Variants in TBCK observed in about 807,000 individuals in gnomAD.
TBCK encodes the protein TBC1 domain containing kinase, also known as TBC domain-containing protein kinase-like protein.
TBCK carries 99 observed loss-of-function variants against 113.4 expected under a neutral mutation model. The ratio of observed to expected loss-of-function variants is 0.87; its 90% confidence interval spans 0.74 to 1.03. The LOEUF is 1.03. Among genes scored for constraint, TBCK ranks in the 50% least tolerant of loss-of-function variants. The pLI is 0.00. For missense variants in TBCK, 1,045 were observed against 1,061.3 expected, an observed-to-expected ratio of 0.98 and a Z score of 0.21; for synonymous variants, 369 against 370.8, an observed-to-expected ratio of 1.00 and a Z score of 0.05.
chr4:106,061,576 T>A (rs2149461410), intron 25 of TBCK, among the ~76,000 whole-genome samples: 1 of 151,368 alleles, frequency 6.6e-6, no homozygotes, highest in East Asian at 2.0e-4. Flanking sequence ...GACAAAAAAA[T>A]TGTGTGATGC....
intron 1 of TBCK, among the ~76,000 whole-genome samples, chr4:106,309,305 C>CT (rs536969885): frequency 0.07 from 7,197 of 102,934 alleles, 1,375 homozygotes; most frequent in East Asian, 0.13. Context: ...AGGCTCTTCT[C>CT]TTTTTTTTTT....
intron 25 of TBCK, among the ~76,000 whole-genome samples, chr4:106,088,288 C>A (rs990713160): frequency 6.6e-6 from 1 of 151,988 alleles, no homozygotes; most frequent in African/African-American, 2.4e-5. Context: ...AAAAAGTAGG[C>A]AAAGCATATA....
intron 19 of TBCK, among the ~76,000 whole-genome samples, chr4:106,228,339 G>GT (rs1422565437): frequency 9.4e-6 from 1 of 106,746 alleles, no homozygotes; most frequent in Non-Finnish European, 2.1e-5. Flanking sequence ...TATTCTTTCG[G>GT]TTATTTTTTT....
chr4:106,259,139 A>T (rs948057586), intron 5 of TBCK, among the ~76,000 whole-genome samples: 89 of 152,072 alleles, frequency 5.9e-4, no homozygotes, highest in African/African-American at 1.8e-3. Context: ...TCACTGAATA[A>T]AGTTTAAGAT....
chr4:106,260,509 C>T lies in TBCK; in HGVS notation c.383G>A (p.Gly128Glu). ...TCCAAATTTAGCCAATTTAATATGT[C>T]CCTATGATAATAAAGAAAAAAAACA... ...SPHNILLDRK[G>E]HIKLAKFGLY... The change falls in exon 5 of 26, where the codon GGA (glycine) becomes GAA (glutamate). Residue 128 changes from glycine (G) to glutamate (E), a missense_variant and splice_region_variant. Gly to Glu is a moderately conservative substitution (Grantham distance 98). Coordinates refer to ENST00000394708, the MANE Select transcript of TBCK (RefSeq NM_001163435.3). 1 of 1,182,678 alleles carries T rather than the reference C, an allele frequency of 8.5e-7. No individual in the cohort carries two copies. The highest frequency in any genetic ancestry group is 1.1e-6 in the Non-Finnish European group (1 of 883,676). 73.3% of individuals were successfully genotyped at this position (1,182,678 alleles called of 1,614,324 possible).
At chr4:106,061,352 C>T (rs1736020988) in intron 25 of TBCK, among the ~76,000 whole-genome samples, 1 of 151,488 alleles carries the variant, frequency 6.6e-6, no homozygotes, top group Admixed American at 6.6e-5. Context: ...TAGCAACCAT[C>T]AGTCAGTAGC....
intron 22 of TBCK, among the ~76,000 whole-genome samples, chr4:106,174,354 T>C (rs1297913181): frequency 6.6e-6 from 1 of 152,118 alleles, no homozygotes; most frequent in Non-Finnish European, 1.5e-5. Flanking sequence ...TCAATGAATA[T>C]CATTAATCTG....
At chr4:106,069,643 C>T (rs1578801722) in intron 25 of TBCK, among the ~76,000 whole-genome samples, 1 of 152,090 alleles carries the variant, frequency 6.6e-6, no homozygotes, top group Non-Finnish European at 1.5e-5. Context: ...TTTTTGGTTC[C>T]ATATGAACTT....
intron 25 of TBCK, among the ~76,000 whole-genome samples, chr4:106,083,583 A>AT (rs1204467379): frequency 1.1e-4 from 17 of 152,308 alleles, no homozygotes; most frequent in African/African-American, 3.8e-4. Flanking sequence ...TAGAACAAGG[A>AT]ATAAAGTACT....
chr4:106,298,133 T>A (rs1030699827), intron 2 of TBCK, among the ~76,000 whole-genome samples: 1 of 152,136 alleles, frequency 6.6e-6, no homozygotes, highest in Non-Finnish European at 1.5e-5. Flanking sequence ...ACTCTAATAA[T>A]TTGTATGCAT....
intron 25 of TBCK, among the ~76,000 whole-genome samples, chr4:106,080,523 CAG>C (rs2149491022): frequency 6.6e-6 from 1 of 152,178 alleles, no homozygotes; most frequent in South Asian, 2.1e-4. Context: ...AAACTGACTC[CAG>C]ATGGATTAAA....
At chr4:106,181,903 A>T (rs1306699102) in intron 22 of TBCK, among the ~76,000 whole-genome samples, 1 of 152,168 alleles carries the variant, frequency 6.6e-6, no homozygotes, top group Non-Finnish European at 1.5e-5. Context: ...AATTCTGAAA[A>T]GAAAGTCATT....
At chr4:106,159,397 C>A (rs1749495064) in intron 23 of TBCK, among the ~76,000 whole-genome samples, 1 of 151,882 alleles carries the variant, frequency 6.6e-6, no homozygotes, top group Admixed American at 6.6e-5. Context: ...AAACATTACA[C>A]AAAACACTGT....
At chr4:106,098,897 A>G (rs1741237036) in intron 24 of TBCK, among the ~76,000 whole-genome samples, 1 of 152,118 alleles carries the variant, frequency 6.6e-6, no homozygotes, top group Non-Finnish European at 1.5e-5. Context: ...GCTAAGAACA[A>G]AATCAAAAAT....
intron 25 of TBCK, among the ~76,000 whole-genome samples, chr4:106,093,343 A>G (rs1379748102): frequency 1.3e-5 from 2 of 152,162 alleles, no homozygotes; most frequent in Non-Finnish European, 2.9e-5. Context: ...CGTCTCTACT[A>G]AAAATACGAA....
At chr4:106,264,676 T>C (rs1177740039) in intron 3 of TBCK, among the ~76,000 whole-genome samples, 1 of 151,896 alleles carries the variant, frequency 6.6e-6, no homozygotes, top group Non-Finnish European at 1.5e-5. Context: ...CAAGAGAAAA[T>C]GTCTCAGTCA....
chr4:106,161,343 C>A lies in TBCK; in HGVS notation c.2235+9752G>T, dbSNP rs565557025. ...TTAGAGCAACCAGTATTAGAATTCA[C>A]GGAGAACAAGCTAAAAACACAAAGG... On this transcript the variant is annotated intron_variant, in intron 23 of 25. Transcript: ENST00000394708. 2.4e-4 allele frequency among the ~76,000 whole-genome samples: 37 copies of A among 152,176 alleles called. No homozygotes were observed. The South Asian group carries it at 7.5e-3, about 31-fold the overall frequency.
intron 24 of TBCK, among the ~76,000 whole-genome samples, chr4:106,100,108 T>C (rs1741376446): frequency 6.6e-6 from 1 of 152,202 alleles, no homozygotes; most frequent in African/African-American, 2.4e-5. Flanking sequence ...CATGAAAGTT[T>C]CCCTTCCCAC....
intron 3 of TBCK, among the ~76,000 whole-genome samples, chr4:106,280,430 G>A (rs915753702): frequency 5.9e-5 from 9 of 152,034 alleles, no homozygotes; most frequent in Non-Finnish European, 1.0e-4. Flanking sequence ...TTTTTAACTT[G>A]ATGTGATGCC....
Sources: allele counts gnomAD v4.1 joint callset (sites outside exome capture counted in the v4.1 genomes callset), GRCh38; gene constraint gnomAD v4.1.1; transcripts MANE v1.5; gene names NCBI Gene and HGNC (gene_info 2026-07-23, HGNC 2026-07-21).